RSPH14: variants seen among roughly 807,000 people sequenced by gnomAD.
RSPH14 encodes the protein rhabdoid tumor deletion region gene 1.
RSPH14 carries 20 observed loss-of-function variants against 26.7 expected under a neutral mutation model. The observed-to-expected ratio is 0.75, with a 90% CI of 0.53 to 1.09. The LOEUF (loss-of-function observed/expected upper bound fraction) is 1.09. Ranked by LOEUF, RSPH14 falls within the 50% of genes least tolerant of loss-of-function variation. RSPH14 has a pLI of 0.00. For synonymous variants in RSPH14, 177 were observed against 189.3 expected (o/e 0.93, Z 0.53); for missense variants, 449 against 457.2 (o/e 0.98, Z 0.16).
intron 4 of RSPH14, among the ~76,000 whole-genome samples, chr22:23,130,147 GAAAGAAAGAAAGAAAA>G (rs2070312584): frequency 4.1e-5 from 5 of 120,682 alleles, no homozygotes; most frequent in African/African-American, 6.3e-5. Flanking sequence ...AAGAAAGAAA[GAAAGAAAGAAAGAAAA>G]AGAAAAAGAA....
chr22:23,100,656 C>T (rs531992512), intron 4 of RSPH14, among the ~76,000 whole-genome samples: 41 of 152,242 alleles, frequency 2.7e-4, no homozygotes, highest in Non-Finnish European at 5.3e-4. Context: ...CAGGTCCACA[C>T]CCACCCGGCA....
At chr22:23,061,678 A>C in intron 6 of RSPH14, 131 bp downstream of exon 6, 1 of 1,159,904 alleles carries the variant, frequency 8.6e-7, no homozygotes, top group Non-Finnish European at 1.2e-6. Context: ...TGATAGGCCA[A>C]GGGGAGGTTT....
chr22:23,117,505 C>T (rs1339081614), intron 4 of RSPH14, among the ~76,000 whole-genome samples: 1 of 152,218 alleles, frequency 6.6e-6, no homozygotes, highest in Non-Finnish European at 1.5e-5. Flanking sequence ...GGGTAGCCTT[C>T]CCTCAGCTGC....
chr22:23,124,505 G>T, intron 4 of RSPH14: 1 of 356,780 alleles, frequency 2.8e-6, no homozygotes, highest in Non-Finnish European at 6.0e-6. Context: ...TTTCTGCTTT[G>T]TTTTTATTTA....
At chr22:23,103,654 A>G (rs914935603) in intron 4 of RSPH14, among the ~76,000 whole-genome samples, 4 of 152,206 alleles carry the variant, frequency 2.6e-5, no homozygotes, top group African/African-American at 9.7e-5. Context: ...CTAACACGAG[A>G]CCACAAGCTG....
chr22:23,151,306 G>A, the RSPH14 span, among the ~76,000 whole-genome samples: 15 of 152,216 alleles, frequency 9.9e-5, no homozygotes, highest in South Asian at 2.1e-4. Flanking sequence ...TGGAGGTGGG[G>A]AAACTGAGGA....
the RSPH14 span, among the ~76,000 whole-genome samples, chr22:23,165,140 A>G: frequency 1.3e-5 from 2 of 152,128 alleles, no homozygotes; most frequent in South Asian, 4.1e-4. Context: ...CATCACCTCT[A>G]CTGTCTCCCC....
chr22:23,074,613 G>A (rs2068464433), intron 4 of RSPH14, among the ~76,000 whole-genome samples: 1 of 152,190 alleles, frequency 6.6e-6, no homozygotes. Context: ...GTCACTTAGG[G>A]ATCAAGGGTA....
In RSPH14 at chr22:23,134,125, C is replaced by A; in HGVS notation, c.322G>T (p.Asp108Tyr). The change falls in exon 4 of 7, where the codon GAC (aspartate) becomes TAC (tyrosine). Residue 108 changes from aspartate to tyrosine, a missense_variant. Coordinates refer to ENST00000216036, the MANE Select transcript of RSPH14 (RefSeq NM_014433.3). ...SVGRYAFLEH[D>Y]IVLALSFLLN... ...AGGAAGGACAGGGCAAGGACGATGT[C>A]GTGCTCTAGAAAGGCGTATCTAGGG... 1.9e-6 allele frequency: 3 copies of A among 1,610,850 alleles called. No individual in the cohort carries two copies. The highest frequency in any genetic ancestry group is 2.5e-6 in the Non-Finnish European group (3 of 1,177,590).
chr22:23,149,239 A>G (rs1249997702), upstream of RSPH14, among the ~76,000 whole-genome samples: 1 of 152,164 alleles, frequency 6.6e-6, no homozygotes, highest in Non-Finnish European at 1.5e-5. Context: ...CACAGATCAC[A>G]CCAACAGCCT....
At chr22:23,103,337 C>T (rs2069358436) in intron 4 of RSPH14, among the ~76,000 whole-genome samples, 1 of 152,194 alleles carries the variant, frequency 6.6e-6, no homozygotes. Flanking sequence ...TGCACCACAG[C>T]CAGTGACTCC....
intron 4 of RSPH14, among the ~76,000 whole-genome samples, chr22:23,126,543 G>C (rs1233948820): frequency 6.6e-6 from 1 of 152,182 alleles, no homozygotes; most frequent in African/African-American, 2.4e-5. Flanking sequence ...AAGGGGTGTT[G>C]GAAACTCCAT....
intron 4 of RSPH14, chr22:23,095,761 C>T (rs751619127): frequency 1.2e-6 from 2 of 1,612,914 alleles, no homozygotes; most frequent in East Asian, 4.5e-5. Context: ...TTGACCGCCA[C>T]CTGCGCTCAG....
At chr22:23,082,357 G>A (rs929643170) in intron 4 of RSPH14, among the ~76,000 whole-genome samples, 19 of 148,820 alleles carry the variant, frequency 1.3e-4, no homozygotes, top group Admixed American at 1.2e-3. Context: ...GATTACAGGC[G>A]CACACCACCA....
chr22:23,077,237 C>G (rs999664013), intron 4 of RSPH14, among the ~76,000 whole-genome samples: 2 of 152,184 alleles, frequency 1.3e-5, no homozygotes, highest in African/African-American at 4.8e-5. Flanking sequence ...GACACTGATG[C>G]TAACCCCTTA....
At chr22:23,152,903 G>A in the RSPH14 span, 1 of 703,972 alleles carries the variant, frequency 1.4e-6, no homozygotes. Flanking sequence ...CCCACCCATG[G>A]CCTGCGTGGA....
the RSPH14 span, chr22:23,163,781 T>C: frequency 6.6e-6 from 1 of 152,116 alleles, no homozygotes; most frequent in African/African-American, 2.4e-5. Context: ...TGATGGCTTG[T>C]TTGTTGTTTT....
chr22:23,145,846 T>C (rs950622543), upstream of RSPH14: 5 of 435,198 alleles, frequency 1.1e-5, no homozygotes, highest in Admixed American at 3.2e-4. Context: ...AGAGGGGCTG[T>C]TGAGGAGGCT....
chr22:23,165,211 G>A, the RSPH14 span, among the ~76,000 whole-genome samples: 1 of 152,234 alleles, frequency 6.6e-6, no homozygotes, highest in Non-Finnish European at 1.5e-5. Context: ...AGAAGGCAGG[G>A]AAGCAAGAAG....
Sources: allele counts gnomAD v4.1 joint callset (sites outside exome capture counted in the v4.1 genomes callset), GRCh38; gene constraint gnomAD v4.1.1; transcripts MANE v1.5; gene names NCBI Gene and HGNC (gene_info 2026-07-23, HGNC 2026-07-21).